The following ZEB1 variants were observed in gnomAD, a reference collection of about 807,000 sequenced individuals.
The protein encoded by ZEB1 is zinc finger E-box binding homeobox 1.
Under a neutral mutation model 84.9 loss-of-function variants are expected in ZEB1, and 21 were observed. The observed-to-expected ratio is 0.25, with a 90% CI of 0.18 to 0.36. ZEB1 has a LOEUF of 0.36. Among genes scored for constraint, ZEB1 ranks in the 10% least tolerant of loss-of-function variants. The pLI, the probability that ZEB1 is intolerant of heterozygous loss-of-function variation, is 1.00. For synonymous variants in ZEB1, 420 were observed against 471.1 expected (o/e 0.89, Z 1.41); for missense variants, 1,104 against 1,330.2 (o/e 0.83, Z 2.65).
At chr10:31,406,546 T>C (rs2053094946) in intron 1 of ZEB1, among the ~76,000 whole-genome samples, 1 of 152,132 alleles carries the variant, frequency 6.6e-6, no homozygotes, top group Admixed American at 6.5e-5. Flanking sequence ...TGGAGTTGTT[T>C]TTTTCTTGTA....
chr10:31,508,431 A>G (rs552372280), intron 4 of ZEB1, among the ~76,000 whole-genome samples: 112 of 152,218 alleles, frequency 7.4e-4, no homozygotes, highest in African/African-American at 2.4e-3. Context: ...AGTGACTGCA[A>G]TGGGCTGGGT....
intron 1 of ZEB1, among the ~76,000 whole-genome samples, chr10:31,334,476 G>C (rs1182767318): frequency 1.3e-5 from 2 of 151,970 alleles, no homozygotes; most frequent in Non-Finnish European, 2.9e-5. Flanking sequence ...GGAATTTATA[G>C]ATTTTAATGC....
intron 1 of ZEB1, among the ~76,000 whole-genome samples, chr10:31,353,054 G>T (rs931472193): frequency 6.6e-6 from 1 of 152,116 alleles, no homozygotes; most frequent in African/African-American, 2.4e-5. Context: ...ACATGGATTT[G>T]ACCACTGGAT....
intron 1 of ZEB1, among the ~76,000 whole-genome samples, chr10:31,418,176 T>G (rs1437386929): frequency 6.6e-6 from 1 of 151,598 alleles, no homozygotes; most frequent in Non-Finnish European, 1.5e-5. Context: ...CCCTAAAGAG[T>G]GCCACCCTAA....
chr10:31,490,771 A>C (rs924635811), intron 2 of ZEB1, among the ~76,000 whole-genome samples: 1 of 151,716 alleles, frequency 6.6e-6, no homozygotes, highest in African/African-American at 2.4e-5. Context: ...GGATATTTCA[A>C]GTATTATGTT....
chr10:31,327,223 G>A (rs185712350), intron 1 of ZEB1, among the ~76,000 whole-genome samples: 1 of 146,574 alleles, frequency 6.8e-6, no homozygotes, highest in Non-Finnish European at 1.5e-5. Context: ...TGATTCTCCC[G>A]CTTCAGCCTC....
At chr10:31,408,662 T>C (rs1252806274) in intron 1 of ZEB1, among the ~76,000 whole-genome samples, 13 of 144,580 alleles carry the variant, frequency 9.0e-5, no homozygotes, top group South Asian at 2.2e-4. Context: ...CCCTATTTAA[T>C]AAATGGTGCT....
Position 31,526,848 on chromosome 10 carries a change from A to G in ZEB1, c.2962A>G (p.Lys988Glu). Residue 988 changes from lysine (K) to glutamate (E), a missense_variant, in exon 9 of 9, where the codon AAG (lysine) becomes GAG (glutamate). Around this residue, in one of 7 missense-constraint regions of ZEB1, gnomAD observed 173 missense variants for 167.0 expected, o/e 1.04. Coordinates refer to ENST00000424869, the MANE Select transcript of ZEB1 (RefSeq NM_001174096.2). ...QHMNHRYSYC[K>E]REAEERDSTE... The stretch of plus-strand genomic sequence containing the variant: ...CATGAATCATCGCTACTCCTACTGT[A>G]AGAGAGAAGCGGAAGAACGTGACAG... 2 of 1,614,164 alleles carry G rather than the reference A, an allele frequency of 1.2e-6. No individual in the cohort carries two copies. Among genetic ancestry groups the G allele is most frequent in the Non-Finnish European group, 1.7e-6 (2 of 1,180,034 alleles).
intron 1 of ZEB1, among the ~76,000 whole-genome samples, chr10:31,373,449 G>C (rs1281248151): frequency 6.6e-6 from 1 of 151,568 alleles, no homozygotes; most frequent in Non-Finnish European, 1.5e-5. Flanking sequence ...AATTTTTGTA[G>C]TTTTATTGTA....
rs367705534 is a variant in ZEB1, at chr10:31,517,397, C to T, written c.793+2689C>T. Among the ~76,000 whole-genome samples, 15 of 151,928 alleles carry T rather than the reference C, an allele frequency of 9.9e-5. 1 individual carries two copies. Among genetic ancestry groups the T allele is most frequent in the Admixed American group, 6.6e-4 (10 of 15,216 alleles). The stretch of plus-strand genomic sequence containing the variant: ...CAGATTAGAGACAAAAGAACACCTG[C>T]ATATGGCTGTGGTCCACCCCCAAAA... On this transcript the variant is annotated intron_variant, in intron 6 of 8. Coordinates refer to ENST00000424869, the MANE Select transcript of ZEB1 (RefSeq NM_001174096.2).
chr10:31,476,066 C>T, intron 2 of ZEB1, among the ~76,000 whole-genome samples: 1 of 151,828 alleles, frequency 6.6e-6, no homozygotes, highest in Non-Finnish European at 1.5e-5. Context: ...AAGACAACTA[C>T]AGACTCAAAG....
intron 1 of ZEB1, among the ~76,000 whole-genome samples, chr10:31,440,965 A>C (rs2058881134): frequency 1.3e-5 from 2 of 152,222 alleles, no homozygotes; most frequent in African/African-American, 4.8e-5. Flanking sequence ...CAATATCGTG[A>C]AAATGGCCAT....
chr10:31,438,835 C>T (rs1166661575), intron 1 of ZEB1, among the ~76,000 whole-genome samples: 3 of 152,124 alleles, frequency 2.0e-5, no homozygotes, highest in Non-Finnish European at 4.4e-5. Flanking sequence ...CAGAGTGAGA[C>T]CTCGTGTCTA....
chr10:31,368,686 A>G (rs1316426564), intron 1 of ZEB1, among the ~76,000 whole-genome samples: 1 of 152,202 alleles, frequency 6.6e-6, no homozygotes, highest in Non-Finnish European at 1.5e-5. Context: ...TTTTAGTAGC[A>G]TAAGATAAAT....
chr10:31,355,985 C>T (rs991912201), intron 1 of ZEB1, among the ~76,000 whole-genome samples: 1 of 152,032 alleles, frequency 6.6e-6, no homozygotes, highest in African/African-American at 2.4e-5. Context: ...ATGATGGTTA[C>T]AGCAGTGGAG....
chr10:31,367,183 T>G (rs533184879), intron 1 of ZEB1, among the ~76,000 whole-genome samples: 1 of 152,346 alleles, frequency 6.6e-6, no homozygotes, highest in South Asian at 2.1e-4. Flanking sequence ...TACTGGACTT[T>G]TAAAACTGAA....
At chr10:31,319,515 C>T in intron 1 of ZEB1, 2 of 570,302 alleles carry the variant, frequency 3.5e-6, no homozygotes, top group Non-Finnish European at 6.2e-6. Context: ...TGTCTCTTAC[C>T]TGGTCTCTCT....
At chr10:31,366,164 C>G (rs1590375127) in intron 1 of ZEB1, among the ~76,000 whole-genome samples, 1 of 152,158 alleles carries the variant, frequency 6.6e-6, no homozygotes. Flanking sequence ...CTCTGACTAG[C>G]CCTGAACTTA....
At chr10:31,458,222 G>T (rs1023435007) in intron 1 of ZEB1, among the ~76,000 whole-genome samples, 2 of 151,974 alleles carry the variant, frequency 1.3e-5, no homozygotes, top group African/African-American at 4.8e-5. Context: ...AACTTAAAAT[G>T]ACTTTATCAA....
Sources: allele counts gnomAD v4.1 joint callset (sites outside exome capture counted in the v4.1 genomes callset), GRCh38; gene constraint gnomAD v4.1.1; regional missense constraint gnomAD v4.1.1; transcripts MANE v1.5; gene names NCBI Gene and HGNC (gene_info 2026-07-23, HGNC 2026-07-21).